The following KHDRBS2 variants were observed in gnomAD, a reference collection of about 807,000 sequenced individuals.
KHDRBS2 encodes KH domain-containing, RNA-binding, signal transduction-associated protein 2.
Under a neutral mutation model 44.3 loss-of-function variants are expected in KHDRBS2, and 26 were observed. The ratio of observed to expected loss-of-function variants is 0.59; its 90% CI spans 0.43 to 0.81. The LOEUF (loss-of-function observed/expected upper bound fraction) is 0.81. Ranked by LOEUF, KHDRBS2 falls within the 40% of genes least tolerant of loss-of-function variation. KHDRBS2 has a pLI of 0.00. For synonymous variants in KHDRBS2, 194 were observed against 151.1 expected, an observed-to-expected ratio of 1.28 and a Z score of -2.08; for missense variants, 476 against 433.1, an observed-to-expected ratio of 1.10 and a Z score of -0.88.
At chr6:61,948,660 T>TATTATC (rs778092854) in intron 4 of KHDRBS2, among the ~76,000 whole-genome samples, 3 of 85,614 alleles carry the variant, frequency 3.5e-5, no homozygotes, top group Non-Finnish European at 8.2e-5. Flanking sequence ...CTCACATTAT[T>TATTATC]ATTATTATTA....
At chr6:62,170,598 C>G (rs1353116874) in intron 2 of KHDRBS2, among the ~76,000 whole-genome samples, 2 of 152,098 alleles carry the variant, frequency 1.3e-5, no homozygotes, top group Non-Finnish European at 2.9e-5. Flanking sequence ...GCCAGGATAT[C>G]CCAGCCAACA....
At chr6:61,911,646 AAAG>A (rs1384600051) in intron 4 of KHDRBS2, among the ~76,000 whole-genome samples, 4 of 152,120 alleles carry the variant, frequency 2.6e-5, no homozygotes, top group East Asian at 1.9e-4. Flanking sequence ...TTTGTTTTAG[AAAG>A]AAGGACATTT....
At chr6:61,806,745 A>G (rs955934677) in intron 6 of KHDRBS2, among the ~76,000 whole-genome samples, 2 of 151,444 alleles carry the variant, frequency 1.3e-5, no homozygotes, top group African/African-American at 4.8e-5. Flanking sequence ...CTATTATTTC[A>G]AAAAAAAGGC....
intron 6 of KHDRBS2, among the ~76,000 whole-genome samples, chr6:61,867,672 G>A (rs768943936): frequency 2.0e-5 from 3 of 152,110 alleles, no homozygotes; most frequent in African/African-American, 7.2e-5. Context: ...TGTTTGTTTG[G>A]CTTTTAACAG....
chr6:62,102,957 C>T (rs1802242642), intron 2 of KHDRBS2, among the ~76,000 whole-genome samples: 1 of 152,154 alleles, frequency 6.6e-6, no homozygotes, highest in Non-Finnish European at 1.5e-5. Flanking sequence ...TTGAGCGACA[C>T]AGCTCTCAAG....
chr6:61,760,877 T>C (rs992447630), intron 6 of KHDRBS2, among the ~76,000 whole-genome samples: 4 of 152,222 alleles, frequency 2.6e-5, no homozygotes, highest in African/African-American at 9.6e-5. Flanking sequence ...GGAAATGTCA[T>C]GAAGAAATGC....
At chr6:62,198,689 C>T (rs1449225731) in intron 1 of KHDRBS2, among the ~76,000 whole-genome samples, 3 of 152,124 alleles carry the variant, frequency 2.0e-5, no homozygotes, top group Admixed American at 6.6e-5. Flanking sequence ...CCTTCTGAAA[C>T]TATTCAAATC....
chr6:61,548,986 A>T, the KHDRBS2 span, among the ~76,000 whole-genome samples: 1 of 152,250 alleles, frequency 6.6e-6, no homozygotes, highest in East Asian at 1.9e-4. Flanking sequence ...CTTAAAAAAA[A>T]GTCCCCCAGA....
intron 6 of KHDRBS2, among the ~76,000 whole-genome samples, chr6:61,873,870 G>C (rs946971153): frequency 6.6e-6 from 1 of 151,982 alleles, no homozygotes; most frequent in African/African-American, 2.4e-5. Flanking sequence ...AGCAAGGTGA[G>C]AATTAAAATC....
At chr6:61,772,781 C>G (rs934220881) in intron 6 of KHDRBS2, among the ~76,000 whole-genome samples, 4 of 152,028 alleles carry the variant, frequency 2.6e-5, no homozygotes, top group Non-Finnish European at 5.9e-5. Context: ...CTAAAGCTAT[C>G]CCTACCCCCT....
At chr6:61,644,150 A>T in the KHDRBS2 span, among the ~76,000 whole-genome samples, 1 of 152,136 alleles carries the variant, frequency 6.6e-6, no homozygotes, top group African/African-American at 2.4e-5. Context: ...AAATAAGGCC[A>T]CACACCTACA....
intron 8 of KHDRBS2, among the ~76,000 whole-genome samples, chr6:61,690,684 A>C (rs1422729190): frequency 2.0e-5 from 3 of 152,042 alleles, no homozygotes; most frequent in Non-Finnish European, 4.4e-5. Context: ...TTCTCTAACA[A>C]ACACAATGTT....
chr6:62,268,408 C>A (rs1282956977), intron 1 of KHDRBS2, among the ~76,000 whole-genome samples: 2 of 151,970 alleles, frequency 1.3e-5, no homozygotes, highest in African/African-American at 4.8e-5. Flanking sequence ...TGCTGTTGGG[C>A]AATTTCAAGA....
At chr6:62,015,986 C>T (rs1308923275) in intron 3 of KHDRBS2, among the ~76,000 whole-genome samples, 5 of 152,108 alleles carry the variant, frequency 3.3e-5, no homozygotes, top group Non-Finnish European at 5.9e-5. Context: ...TCCTTCTGAA[C>T]CCTCAAGCTT....
chr6:62,123,223 T>G (rs1335128382), intron 2 of KHDRBS2, among the ~76,000 whole-genome samples: 4 of 113,744 alleles, frequency 3.5e-5, no homozygotes, highest in South Asian at 2.7e-4. Flanking sequence ...GTAAAGGACA[T>G]GAACTCATCC....
chr6:61,569,115 GC>G, the KHDRBS2 span, among the ~76,000 whole-genome samples: 1 of 152,078 alleles, frequency 6.6e-6, no homozygotes, highest in Non-Finnish European at 1.5e-5. Flanking sequence ...GCTGGGTGAG[GC>G]CTCTCGCTAC....
At chr6:62,248,640 G>A (rs142151469) in intron 1 of KHDRBS2, among the ~76,000 whole-genome samples, 2 of 152,156 alleles carry the variant, frequency 1.3e-5, no homozygotes, top group East Asian at 3.9e-4. Flanking sequence ...TTACAGTCAT[G>A]AGTCACCTTG....
intron 6 of KHDRBS2, among the ~76,000 whole-genome samples, chr6:61,752,210 G>A (rs1418529784): frequency 6.6e-6 from 1 of 152,116 alleles, no homozygotes; most frequent in Non-Finnish European, 1.5e-5. Flanking sequence ...TGGAGATGGG[G>A]TTTGGGCCAA....
intron 2 of KHDRBS2, among the ~76,000 whole-genome samples, chr6:62,087,776 C>T (rs1046427661): frequency 6.6e-6 from 1 of 152,148 alleles, no homozygotes; most frequent in African/African-American, 2.4e-5. Context: ...GGATAATATC[C>T]TGAAGAGTGT....
Sources: allele counts gnomAD v4.1 joint callset (sites outside exome capture counted in the v4.1 genomes callset), GRCh38; gene constraint gnomAD v4.1.1; transcripts MANE v1.5; gene names NCBI Gene and HGNC (gene_info 2026-07-23, HGNC 2026-07-21).